ASB3: variants seen among roughly 807,000 people sequenced by gnomAD.
The protein encoded by ASB3 is ankyrin repeat and SOCS box containing 3, also known as ankyrin repeat and SOCS box protein 3.
ASB3 carries 41 observed loss-of-function variants against 54.5 expected under a neutral mutation model. The ratio of observed to expected loss-of-function variants is 0.75; its 90% confidence interval spans 0.59 to 0.98. The LOEUF (loss-of-function observed/expected upper bound fraction) is 0.98, where lower values mean the gene tolerates loss of function less well. Among genes scored for constraint, ASB3 ranks in the 50% least tolerant of loss-of-function variants. The probability of loss-of-function intolerance (pLI) is 0.00; values close to 1 mark genes in which losing one functional copy is unlikely to be tolerated. For synonymous variants in ASB3, 266 were observed against 221.2 expected, an observed-to-expected ratio of 1.20 and a Z score of -1.80; for missense variants, 733 against 620.0, an observed-to-expected ratio of 1.18 and a Z score of -1.94.
At chr2:53,708,578 G>A (rs1669920006) in intron 7 of ASB3, among the ~76,000 whole-genome samples, 1 of 152,186 alleles carries the variant, frequency 6.6e-6, no homozygotes, top group South Asian at 2.1e-4. Flanking sequence ...GGGCTCTGAA[G>A]AAGACAGAAA....
At chr2:53,781,103 A>G (rs1182908869) in intron 1 of ASB3, among the ~76,000 whole-genome samples, 3 of 152,118 alleles carry the variant, frequency 2.0e-5, no homozygotes, top group Admixed American at 1.3e-4. Context: ...TAAGGCCTAC[A>G]ATTTTAAAAA....
At chr2:53,765,638 T>TAGGAGTG (rs1338722266) in intron 1 of ASB3, 53 bp from the exon 2 acceptor site, 3 of 1,602,078 alleles carry the variant, frequency 1.9e-6, no homozygotes, top group African/African-American at 1.3e-5. Flanking sequence ...AACACTTCAC[T>TAGGAGTG]CCTAGAGGTC....
At chr2:53,721,384 T>C (rs1201420850) in intron 5 of ASB3, among the ~76,000 whole-genome samples, 1 of 122,302 alleles carries the variant, frequency 8.2e-6, no homozygotes, top group African/African-American at 3.2e-5. Flanking sequence ...TGAAACCCCA[T>C]CTCTACTAAA....
intron 2 of ASB3, among the ~76,000 whole-genome samples, chr2:53,757,366 G>T (rs1672892311): frequency 6.6e-6 from 1 of 152,342 alleles, no homozygotes; most frequent in Admixed American, 6.5e-5. Context: ...GAGGCCGAGG[G>T]CCGACTAGAG....
chr2:53,775,421 G>T (rs1368589769), intron 1 of ASB3, among the ~76,000 whole-genome samples: 1 of 151,952 alleles, frequency 6.6e-6, no homozygotes, highest in South Asian at 2.1e-4. Context: ...CATCCCACAG[G>T]CTGGAAAGTG....
At chr2:53,724,887 A>G (rs987091891) in intron 5 of ASB3, among the ~76,000 whole-genome samples, 2 of 152,222 alleles carry the variant, frequency 1.3e-5, no homozygotes, top group African/African-American at 2.4e-5. Flanking sequence ...AATTTCTCAA[A>G]GAACTTAAAA....
intron 2 of ASB3, among the ~76,000 whole-genome samples, chr2:53,761,154 G>C (rs1673121366): frequency 6.6e-6 from 1 of 152,200 alleles, no homozygotes; most frequent in Non-Finnish European, 1.5e-5. Context: ...CCTAAGCCTA[G>C]CTGGGAAAGG....
At chr2:53,765,292 C>T in intron 2 of ASB3, 85 bp downstream of exon 2, 1 of 1,536,366 alleles carries the variant, frequency 6.5e-7, no homozygotes, top group Non-Finnish European at 8.8e-7. Flanking sequence ...ACAAATACTA[C>T]TGTTAATAAG....
chr2:53,763,504 G>A (rs991896218), intron 2 of ASB3: 12 of 169,292 alleles, frequency 7.1e-5, no homozygotes, highest in African/African-American at 2.6e-4. Flanking sequence ...TGTATAGGAC[G>A]TTTTCCTATC....
chr2:53,738,336 G>C (rs778852162), intron 3 of ASB3, among the ~76,000 whole-genome samples: 4 of 152,208 alleles, frequency 2.6e-5, no homozygotes, highest in African/African-American at 4.8e-5. Flanking sequence ...CTACTGTTCA[G>C]TTAAGGATGT....
chr2:53,724,112 T>C (rs1670859979), intron 5 of ASB3, among the ~76,000 whole-genome samples: 1 of 152,166 alleles, frequency 6.6e-6, no homozygotes, highest in South Asian at 2.1e-4. Context: ...TCTCTTTAGA[T>C]TAATTAAGCT....
In ASB3 at chr2:53,765,545, T is replaced by G; in HGVS notation, c.28A>C (p.Thr10Pro). The change falls in exon 2 of 10, where the codon ACG becomes CCG. Residue 10 changes from threonine to proline, a missense_variant. Transcript: ENST00000263634. ...GCAGCAAGTCCAACTGTAGAGCACG[T>G]GTCCGCGTAAGCCTCTGTAAAATCC... MDFTEAYAD[T>P]CSTVGLAARE... The G allele has an allele frequency of 6.2e-7, 1 of 1,614,194 alleles. No individual in the cohort carries two copies. The highest frequency in any genetic ancestry group is 8.5e-7 in the Non-Finnish European group (1 of 1,180,028).
At chr2:53,671,054 C>T (rs989678194) in intron 9 of ASB3, among the ~76,000 whole-genome samples, 2 of 152,188 alleles carry the variant, frequency 1.3e-5, no homozygotes, top group Admixed American at 1.3e-4. Flanking sequence ...TATTTCATTA[C>T]AAATGGTTTC....
At chr2:53,725,691 G>C (rs1558541352) in intron 5 of ASB3, among the ~76,000 whole-genome samples, 2 of 152,090 alleles carry the variant, frequency 1.3e-5, no homozygotes, top group African/African-American at 4.8e-5. Flanking sequence ...GACGGAAAAG[G>C]CTGTCTTCTA....
rs758864753 is a variant in ASB3 at position 53,700,363 on chromosome 2, A to T, written c.1146T>A (p.Asn382Lys). The T allele has an allele frequency of 1.1e-5, 18 of 1,613,990 alleles. No homozygotes were observed. Among genetic ancestry groups the T allele is most frequent in the Non-Finnish European group, 9.3e-6 (11 of 1,180,018 alleles). Reference protein sequence around the residue: ...GPWNHIYEFVNHAIKAQAKYK... With the variant: ...GPWNHIYEFVKHAIKAQAKYK... ...ATTTTGCTTGTGCTTTAATTGCATG[A>T]TTTACAAATTCATATATATGGTTCC... Residue 382 changes from asparagine (N) to lysine (K), a missense_variant, in exon 8 of 10, where the codon AAT becomes AAA. Coordinates refer to ENST00000263634, the MANE Select transcript of ASB3 (RefSeq NM_016115.5).
At chr2:53,732,851 AC>A (rs1375535282) in intron 3 of ASB3, among the ~76,000 whole-genome samples, 3 of 152,216 alleles carry the variant, frequency 2.0e-5, no homozygotes, top group Non-Finnish European at 2.9e-5. Context: ...CAGATTTACT[AC>A]CAAAGCCTCC....
rs1437998692 is a variant in ASB3 at position 53,714,239 on chromosome 2, CAT to C, written c.980+143_980+144del. The C allele has an allele frequency of 1.4e-5, 14 of 995,904 alleles. No homozygotes were observed. In the Admixed American group the frequency reaches 1.5e-4, roughly 11 times the overall value. 61.7% of individuals were successfully genotyped at this position (995,904 alleles called of 1,614,324 possible). A position where few individuals can be genotyped will look rare whatever the true frequency, so the allele number is the denominator to read the frequency against. The stretch of plus-strand genomic sequence containing the variant: ...TTCTGCTTCAGCTTGACTGAAACAT[CAT>C]AGTTTTTTTCCTATTTGTGTTCCAA... On this transcript the variant is annotated intron_variant, in intron 7 of 9. Transcript: ENST00000263634.
intron 9 of ASB3, among the ~76,000 whole-genome samples, chr2:53,684,621 G>A (rs1017169709): frequency 2.0e-5 from 3 of 152,122 alleles, no homozygotes; most frequent in African/African-American, 7.2e-5. Context: ...GTTTATCCTC[G>A]GTAGTCCCAC....
Position 53,744,964 on chromosome 2 carries a change from T to C in ASB3, c.355+5819A>G, listed in dbSNP as rs571206675. On this transcript the variant is annotated intron_variant, in intron 3 of 9. Coordinates refer to ENST00000263634, the MANE Select transcript of ASB3 (RefSeq NM_016115.5). ...TAAGCAAACTCAGAAAAACAAAAAA[T>C]GAAAAACCATCCATCAAAAGCCAAA... is the stretch of plus-strand genomic sequence containing the variant. Among the ~76,000 whole-genome samples, 3 of 152,242 alleles carry C rather than the reference T, an allele frequency of 2.0e-5. No homozygotes were observed. The East Asian group carries it at 5.8e-4, about 29-fold the overall frequency.
Sources: allele counts gnomAD v4.1 joint callset (sites outside exome capture counted in the v4.1 genomes callset), GRCh38; gene constraint gnomAD v4.1.1; transcripts MANE v1.5; gene names NCBI Gene and HGNC (gene_info 2026-07-23, HGNC 2026-07-21).